SEPTIN7: variants seen among roughly 807,000 people sequenced by gnomAD.
The protein encoded by SEPTIN7 is septin 7, also known as septin-7.
A neutral mutation model predicts 63.3 loss-of-function variants in SEPTIN7; 10 were observed. The observed-to-expected ratio is 0.16, with a 90% CI of 0.10 to 0.27. The LOEUF (loss-of-function observed/expected upper bound fraction) is 0.27, where lower values mean the gene tolerates loss of function less well. Ranked by LOEUF, SEPTIN7 falls within the 10% of genes least tolerant of loss-of-function variation. SEPTIN7 has a pLI of 1.00. For synonymous variants in SEPTIN7, 131 were observed against 165.3 expected (o/e 0.79, Z 1.59); for missense variants, 310 against 521.0 (o/e 0.59, Z 3.94).
chr7:35,897,696 T>G (rs913884335), intron 11 of SEPTIN7, among the ~76,000 whole-genome samples: 2 of 152,180 alleles, frequency 1.3e-5, no homozygotes, highest in African/African-American at 4.8e-5. Flanking sequence ...GCATTGAAGT[T>G]ATCATAAGGG....
the SEPTIN7 span, among the ~76,000 whole-genome samples, chr7:35,914,480 C>T: frequency 1.1e-4 from 16 of 152,250 alleles, no homozygotes; most frequent in South Asian, 2.1e-4. Context: ...ATTATGCCTC[C>T]GGGCTTTCTT....
intron 11 of SEPTIN7, among the ~76,000 whole-genome samples, chr7:35,894,141 T>TTC (rs757253013): frequency 7.8e-6 from 1 of 127,624 alleles, no homozygotes; most frequent in African/African-American, 2.7e-5. Context: ...TTTTTTTTTT[T>TTC]TCTAAACTTC....
chr7:35,815,165 G>T (rs1788976465), intron 1 of SEPTIN7: 2 of 446,434 alleles, frequency 4.5e-6, no homozygotes, highest in Non-Finnish European at 9.0e-6. Context: ...TTACTTTCTA[G>T]TTCATCTTGT....
intron 3 of SEPTIN7, among the ~76,000 whole-genome samples, chr7:35,839,128 G>A (rs1784278028): frequency 6.6e-6 from 1 of 152,116 alleles, no homozygotes. Context: ...AAATAAACAT[G>A]GTGAGACTTA....
intron 4 of SEPTIN7, among the ~76,000 whole-genome samples, chr7:35,864,586 A>G: frequency 6.6e-6 from 1 of 152,220 alleles, no homozygotes. Flanking sequence ...TATTGATTGT[A>G]TACTGCAGTG....
At chr7:35,805,128 T>C (rs1395289665) in intron 1 of SEPTIN7, among the ~76,000 whole-genome samples, 1 of 152,204 alleles carries the variant, frequency 6.6e-6, no homozygotes, top group African/African-American at 2.4e-5. Context: ...GTGATCCTCC[T>C]GCCTCGGCCT....
chr7:35,802,356 GT>G, intron 1 of SEPTIN7: 1 of 205,280 alleles, frequency 4.9e-6, no homozygotes, highest in South Asian at 7.4e-5. Context: ...TCAAATTTGG[GT>G]TTTTACAGTC....
At chr7:35,809,168 G>A (rs1788544049) in intron 1 of SEPTIN7, among the ~76,000 whole-genome samples, 2 of 152,142 alleles carry the variant, frequency 1.3e-5, no homozygotes, top group Non-Finnish European at 2.9e-5. Context: ...TGGCCACTGG[G>A]GAAACTGAAT....
intron 8 of SEPTIN7, 88 bp from the exon 9 acceptor site, chr7:35,883,802 GC>G: frequency 1.8e-6 from 1 of 568,620 alleles, no homozygotes; most frequent in Non-Finnish European, 2.8e-6. Flanking sequence ...TTTTTTTTTG[GC>G]TAACCTGTTG....
At chr7:35,901,745 C>T (rs1257049482) in intron 12 of SEPTIN7, 1 of 152,096 alleles carries the variant, frequency 6.6e-6, no homozygotes, top group African/African-American at 2.4e-5. Context: ...CCTATTGTAT[C>T]CCTCTCTCTC....
At chr7:35,874,380 C>T (rs1786342271) in intron 6 of SEPTIN7, among the ~76,000 whole-genome samples, 1 of 152,064 alleles carries the variant, frequency 6.6e-6, no homozygotes, top group South Asian at 2.1e-4. Context: ...TATAGTTAGC[C>T]TGTACTCCCT....
Position 35,904,629 on chromosome 7 carries a change from A to C in SEPTIN7, c.*336A>C. ...TTGTTTACAGGATATTCCAAAATAA[A>C]AGGACTCTGGAAGATTTTCATTGAG... On this transcript the variant is annotated 3_prime_UTR_variant, in exon 14 of 14. Coordinates refer to ENST00000350320, the MANE Select transcript of SEPTIN7 (RefSeq NM_001788.6). 2 of 179,220 alleles carry C rather than the reference A, an allele frequency of 1.1e-5. No homozygotes were observed. The highest frequency in any genetic ancestry group is 1.2e-5 in the Non-Finnish European group (1 of 85,898). 11.1% of individuals were successfully genotyped at this position (179,220 alleles called of 1,614,324 possible).
At chr7:35,846,072 A>G (rs1051197891) in intron 3 of SEPTIN7, among the ~76,000 whole-genome samples, 2 of 152,142 alleles carry the variant, frequency 1.3e-5, no homozygotes, top group African/African-American at 4.8e-5. Flanking sequence ...ATATGAAGGA[A>G]GTATATGGCA....
intron 8 of SEPTIN7, among the ~76,000 whole-genome samples, chr7:35,883,371 C>CT (rs1248089218): frequency 6.6e-6 from 1 of 152,076 alleles, no homozygotes; most frequent in Non-Finnish European, 1.5e-5. Context: ...TAAATAGCTG[C>CT]TTAGGTATTT....
chr7:35,855,635 G>A (rs1785167123), intron 3 of SEPTIN7, among the ~76,000 whole-genome samples: 1 of 152,138 alleles, frequency 6.6e-6, no homozygotes, highest in Admixed American at 6.5e-5. Flanking sequence ...CATAGGAAGA[G>A]TTAAGGAGAG....
At chr7:35,829,794 A>C (rs1162042172) in intron 1 of SEPTIN7, among the ~76,000 whole-genome samples, 2 of 152,234 alleles carry the variant, frequency 1.3e-5, no homozygotes, top group Non-Finnish European at 2.9e-5. Context: ...GCTAAGAAGA[A>C]GCATACAGCA....
In SEPTIN7 at chr7:35,868,460, A is replaced by G. The variant is rs1335132069; in HGVS notation, c.277-4206A>G. 3.3e-5 allele frequency among the ~76,000 whole-genome samples: 5 copies of G among 151,978 alleles called. No individual in the cohort carries two copies. In the East Asian group the frequency reaches 5.8e-4, roughly 18 times the overall value. On this transcript the variant is annotated intron_variant, in intron 4 of 13. Transcript: ENST00000350320. ...AAGATCTCACAATTGTGGGAAAAAT[A>G]TGGACAAACAATTATGACTTAGTGA...
At chr7:35,901,162 TC>T (rs1296202731) in intron 12 of SEPTIN7, 1 of 152,240 alleles carries the variant, frequency 6.6e-6, no homozygotes, top group African/African-American at 2.4e-5. Context: ...CAAGCAACTT[TC>T]ATTTATTGTG....
chr7:35,895,949 T>TA (rs1449263283), intron 11 of SEPTIN7, among the ~76,000 whole-genome samples: 1 of 152,192 alleles, frequency 6.6e-6, no homozygotes, highest in Admixed American at 6.5e-5. Context: ...TAGCTGGAAT[T>TA]ACAGGCGTGT....
Sources: allele counts gnomAD v4.1 joint callset (sites outside exome capture counted in the v4.1 genomes callset), GRCh38; gene constraint gnomAD v4.1.1; transcripts MANE v1.5; gene names NCBI Gene and HGNC (gene_info 2026-07-23, HGNC 2026-07-21).